PRKX: variants seen among roughly 807,000 people sequenced by gnomAD.
The protein encoded by PRKX is protein kinase cAMP-dependent X-linked catalytic subunit.
A neutral mutation model predicts 22.0 loss-of-function variants in PRKX; 12 were observed. That is an observed-to-expected ratio of 0.54 (90% confidence interval 0.35 to 0.88). The LOEUF is 0.88. PRKX is among the 40% of genes least tolerant of loss of function. The probability of loss-of-function intolerance (pLI) is 0.01; values close to 1 mark genes in which losing one functional copy is unlikely to be tolerated. For synonymous variants in PRKX, 134 were observed against 137.7 expected, an observed-to-expected ratio of 0.97 and a Z score of 0.19; for missense variants, 217 against 308.0, an observed-to-expected ratio of 0.70 and a Z score of 2.21.
chrX:3,642,081 C>G, intron 3 of PRKX, 110 bp from the exon 4 acceptor site: 1 of 928,061 alleles, frequency 1.1e-6, no homozygotes, highest in African/African-American at 2.0e-5. Flanking sequence ...AAACCACGCT[C>G]CGTTTACCCT....
At chrX:3,624,476 G>A (rs1186835252) in intron 5 of PRKX, among the ~76,000 whole-genome samples, 1 of 110,765 alleles carries the variant, frequency 9.0e-6, no homozygotes, top group East Asian at 2.8e-4. Flanking sequence ...TAAACTAGGA[G>A]AGAAAGAAGG....
At chrX:3,660,723 C>T (rs1310313871) in intron 2 of PRKX, among the ~76,000 whole-genome samples, 1 of 111,713 alleles carries the variant, frequency 9.0e-6, no homozygotes, top group Non-Finnish European at 1.9e-5. Flanking sequence ...AATGAAAGAA[C>T]TTTGAGGATT....
chrX:3,662,373 A>C (rs191898863), intron 2 of PRKX, among the ~76,000 whole-genome samples: 317 of 111,335 alleles, frequency 2.8e-3, no homozygotes, highest in African/African-American at 9.9e-3. Context: ...CAGCCTAGGC[A>C]ACAAAGCAAG....
chrX:3,689,819 T>C (rs141360365), intron 1 of PRKX, among the ~76,000 whole-genome samples: 1,379 of 110,846 alleles, frequency 0.012, 23 homozygotes, highest in African/African-American at 0.043. Context: ...CCACTAAAAA[T>C]ACAAAAAATT....
chrX:3,620,927 A>G (rs1451143410), intron 6 of PRKX, among the ~76,000 whole-genome samples: 3 of 111,465 alleles, frequency 2.7e-5, no homozygotes, highest in Non-Finnish European at 5.6e-5. Flanking sequence ...CACTCTCCGT[A>G]AAACTGTTTA....
At chrX:3,700,696 G>C (rs111288501) in intron 1 of PRKX, among the ~76,000 whole-genome samples, 1,288 of 110,436 alleles carry the variant, frequency 0.012, 19 homozygotes, top group African/African-American at 0.037. Context: ...CTCCCACCTC[G>C]GCCTCCCAAG....
intron 7 of PRKX, among the ~76,000 whole-genome samples, chrX:3,614,764 G>C (rs1337127449): frequency 9.0e-6 from 1 of 111,379 alleles, no homozygotes; most frequent in Non-Finnish European, 1.9e-5. Flanking sequence ...AGAATAGCTA[G>C]ATTTGCAATA....
At chrX:3,690,436 A>G (rs1367582934) in intron 1 of PRKX, among the ~76,000 whole-genome samples, 2 of 112,948 alleles carry the variant, frequency 1.8e-5, no homozygotes, top group Non-Finnish European at 3.7e-5. Context: ...CTTTCTCATC[A>G]GAAATACAAA....
chrX:3,697,803 G>A (rs1177921295), intron 1 of PRKX, among the ~76,000 whole-genome samples: 1 of 111,515 alleles, frequency 9.0e-6, no homozygotes, highest in African/African-American at 3.3e-5. Context: ...CTCCCGCCTC[G>A]GCCGCGCAAA....
chrX:3,679,434 A>T (rs770658310), intron 1 of PRKX, among the ~76,000 whole-genome samples: 4 of 112,727 alleles, frequency 3.5e-5, no homozygotes, highest in Non-Finnish European at 5.6e-5. Context: ...GATTAAAGTC[A>T]AAGCTTTAAG....
Position 3,653,170 on chromosome X carries a change from C to T in PRKX, c.599+1979G>A, listed in dbSNP as rs1927372516. On this transcript the variant is annotated intron_variant, in intron 3 of 8. Coordinates refer to ENST00000262848, the MANE Select transcript of PRKX (RefSeq NM_005044.5). The stretch of plus-strand genomic sequence containing the variant: ...AAGTGATAGGATTAGGAGGTGGGGC[C>T]TTTGGGAGGTGATGAGGTCACGAAG... 2.7e-5 allele frequency among the ~76,000 whole-genome samples: 3 copies of T among 111,044 alleles called. No homozygotes were observed. In the Admixed American group the frequency reaches 2.9e-4, roughly 11 times the overall value.
intron 1 of PRKX, among the ~76,000 whole-genome samples, chrX:3,678,018 G>C (rs1927999848): frequency 8.9e-6 from 1 of 112,115 alleles, no homozygotes; most frequent in Admixed American, 9.5e-5. Flanking sequence ...TCAGGTCAAA[G>C]ACAGGAAGTG....
At chrX:3,689,934 A>G (rs771861709) in intron 1 of PRKX, among the ~76,000 whole-genome samples, 580 of 111,074 alleles carry the variant, frequency 5.2e-3, no homozygotes, top group African/African-American at 6.7e-3. Context: ...CCGAGATGGC[A>G]CCACTGCACT....
chrX:3,618,414 T>C (rs56907854), intron 6 of PRKX, among the ~76,000 whole-genome samples: 17 of 111,323 alleles, frequency 1.5e-4, no homozygotes, highest in African/African-American at 5.5e-4. Context: ...GCTCAGGAGC[T>C]CGAGACCAGC....
At chrX:3,645,133 G>C (rs1470169465) in intron 3 of PRKX, among the ~76,000 whole-genome samples, 11 of 111,174 alleles carry the variant, frequency 9.9e-5, no homozygotes, top group Non-Finnish European at 2.1e-4. Flanking sequence ...GTGTTATGTC[G>C]AGACCACTGG....
At position 3,607,995 on chromosome X, in the gene PRKX, T is replaced by C. The variant is rs1603472709; in HGVS notation, c.*974A>G. 9.7e-6 allele frequency: 1 copy of C among 103,532 alleles called. No homozygotes were observed. The highest frequency in any genetic ancestry group is 2.0e-5 in the Non-Finnish European group (1 of 51,043). 8.5% of individuals were successfully genotyped at this position (103,532 alleles called of 1,213,427 possible). A position where few individuals can be genotyped will look rare whatever the true frequency, so the allele number is the denominator to read the frequency against. On this transcript the variant is annotated 3_prime_UTR_variant, in exon 9 of 9. Coordinates refer to ENST00000262848, the MANE Select transcript of PRKX (RefSeq NM_005044.5). ...TCCCCAGGCTCAAGTGATCCTCTCATCTCAGCCTCCTGAGTAGCTGAGACT... is the reference window on the plus strand; with the variant it reads ...TCCCCAGGCTCAAGTGATCCTCTCACCTCAGCCTCCTGAGTAGCTGAGACT...
chrX:3,677,609 C>T (rs778944212), intron 1 of PRKX, among the ~76,000 whole-genome samples: 8 of 110,877 alleles, frequency 7.2e-5, no homozygotes, highest in African/African-American at 9.8e-5. Flanking sequence ...CACATGGTAA[C>T]GTGAAAAGAA....
At chrX:3,643,647 T>G (rs1195109474) in intron 3 of PRKX, among the ~76,000 whole-genome samples, 2 of 110,785 alleles carry the variant, frequency 1.8e-5, no homozygotes, top group African/African-American at 6.5e-5. Flanking sequence ...AGCAACACCC[T>G]CAGAGGGAAA....
At chrX:3,652,112 T>G in intron 3 of PRKX, among the ~76,000 whole-genome samples, 1 of 109,851 alleles carries the variant, frequency 9.1e-6, no homozygotes, top group Non-Finnish European at 1.9e-5. Context: ...GGGAGGTGGG[T>G]GAGAGATAAA....
Sources: gnomAD v4.1 joint callset for allele counts (sites outside exome capture counted in the v4.1 genomes callset) on GRCh38, gnomAD v4.1.1 for gene constraint, MANE v1.5 for transcripts, NCBI Gene and HGNC (gene_info 2026-07-23, HGNC 2026-07-21) for gene names.